The following HYAL4 variants were observed in gnomAD, a reference collection of about 807,000 sequenced individuals.
HYAL4 encodes hyaluronidase-4.
HYAL4 carries 37 observed loss-of-function variants against 35.2 expected under a neutral mutation model. The ratio of observed to expected loss-of-function variants is 1.05; its 90% confidence interval spans 0.81 to 1.38. The LOEUF is 1.38. Ranked by LOEUF, HYAL4 falls within the 40% of genes most tolerant of loss-of-function variation. HYAL4 has a pLI of 0.00. For missense variants in HYAL4, 572 were observed against 572.4 expected (o/e 1.00, Z 0.01); for synonymous variants, 198 against 203.2 (o/e 0.97, Z 0.22).
chr7:123,806,898 T>G, the HYAL4 span, among the ~76,000 whole-genome samples: 1 of 152,158 alleles, frequency 6.6e-6, no homozygotes, highest in Non-Finnish European at 1.5e-5. Context: ...CTTCACTCAG[T>G]CAGGTACTCC....
chr7:123,798,441 CTAAA>C, the HYAL4 span, among the ~76,000 whole-genome samples: 1 of 152,068 alleles, frequency 6.6e-6, no homozygotes, highest in African/African-American at 2.4e-5. Flanking sequence ...TAATTTAGCC[CTAAA>C]TAAAGACTTA....
At chr7:123,830,625 CA>C (rs1389725185) in intron 1 of HYAL4, among the ~76,000 whole-genome samples, 1 of 152,136 alleles carries the variant, frequency 6.6e-6, no homozygotes, top group Non-Finnish European at 1.5e-5. Flanking sequence ...ATACAACCCA[CA>C]ATTTTCTGAA....
chr7:123,852,466 G>C (rs1485127260), intron 2 of HYAL4, among the ~76,000 whole-genome samples: 1 of 152,164 alleles, frequency 6.6e-6, no homozygotes, highest in Non-Finnish European at 1.5e-5. Context: ...TGGCTAGCCA[G>C]TTTTCCCAGC....
At chr7:123,791,330 A>G in the HYAL4 span, among the ~76,000 whole-genome samples, 1 of 152,216 alleles carries the variant, frequency 6.6e-6, no homozygotes, top group Non-Finnish European at 1.5e-5. Flanking sequence ...AAAGAGAATG[A>G]TAATAGAACT....
the HYAL4 span, among the ~76,000 whole-genome samples, chr7:123,764,320 TG>T: frequency 5.3e-5 from 8 of 152,222 alleles, no homozygotes; most frequent in African/African-American, 1.4e-4. Context: ...AAGCCTTCTC[TG>T]AATTTCCCGG....
the HYAL4 span, among the ~76,000 whole-genome samples, chr7:123,808,263 A>C: frequency 6.6e-6 from 1 of 152,140 alleles, no homozygotes; most frequent in African/African-American, 2.4e-5. Flanking sequence ...GCTTTATCAT[A>C]ATGAACTTAG....
intron 1 of HYAL4, among the ~76,000 whole-genome samples, chr7:123,832,539 G>A (rs375070169): frequency 1.7e-5 from 2 of 117,334 alleles, no homozygotes; most frequent in African/African-American, 3.4e-5. Flanking sequence ...TCGCTCTGTC[G>A]CTCAGGCTGG....
At chr7:123,875,187 A>C (rs1806978796) in intron 4 of HYAL4, among the ~76,000 whole-genome samples, 1 of 152,232 alleles carries the variant, frequency 6.6e-6, no homozygotes, top group Non-Finnish European at 1.5e-5. Context: ...ATAACTATTT[A>C]GGATAGTTAG....
At chr7:123,852,507 CT>C (rs1420402613) in intron 2 of HYAL4, among the ~76,000 whole-genome samples, 1 of 151,980 alleles carries the variant, frequency 6.6e-6, no homozygotes, top group East Asian at 1.9e-4. Context: ...TCCTTTTCCC[CT>C]TGCTTGTTTT....
intron 2 of HYAL4, among the ~76,000 whole-genome samples, chr7:123,866,871 A>T (rs1378964836): frequency 6.7e-6 from 1 of 150,334 alleles, no homozygotes; most frequent in Non-Finnish European, 1.5e-5. Context: ...GTTCACTGCA[A>T]CCGCCACCTC....
intron 2 of HYAL4, among the ~76,000 whole-genome samples, chr7:123,853,490 TGG>T (rs1238649504): frequency 2.0e-5 from 3 of 152,360 alleles, no homozygotes; most frequent in Admixed American, 2.0e-4. Context: ...GATAATCATG[TGG>T]TTTTTGTCAT....
chr7:123,852,372 G>T (rs1207280897), intron 2 of HYAL4, among the ~76,000 whole-genome samples: 2 of 152,096 alleles, frequency 1.3e-5, no homozygotes, highest in Non-Finnish European at 2.9e-5. Flanking sequence ...ATGGTTTTAG[G>T]TCTTAGGTTT....
the HYAL4 span, among the ~76,000 whole-genome samples, chr7:123,774,231 G>A: frequency 1.3e-5 from 2 of 152,042 alleles, no homozygotes; most frequent in East Asian, 3.9e-4. Flanking sequence ...GAGACATGGG[G>A]TTTTGCTATG....
At chr7:123,874,514 C>T (rs181645523) in intron 3 of HYAL4, among the ~76,000 whole-genome samples, 2 of 152,246 alleles carry the variant, frequency 1.3e-5, no homozygotes, top group African/African-American at 4.8e-5. Context: ...AATGATTCTC[C>T]TGTCTCAGCC....
intron 2 of HYAL4, among the ~76,000 whole-genome samples, chr7:123,862,189 A>G (rs552668950): frequency 2.0e-5 from 3 of 152,166 alleles, no homozygotes; most frequent in Non-Finnish European, 4.4e-5. Context: ...TCTCAGTCTG[A>G]TAAATATATA....
chr7:123,863,849 A>G (rs1474355516), intron 2 of HYAL4, among the ~76,000 whole-genome samples: 1 of 152,090 alleles, frequency 6.6e-6, no homozygotes, highest in Non-Finnish European at 1.5e-5. Flanking sequence ...CTTTTAATTT[A>G]TCACAAGCAA....
At chr7:123,800,679 C>T in the HYAL4 span, among the ~76,000 whole-genome samples, 41 of 149,498 alleles carry the variant, frequency 2.7e-4, no homozygotes, top group East Asian at 4.1e-3. Context: ...TGTTTTTAGA[C>T]GCAGTCTAGC....
At chr7:123,814,783 T>A in the HYAL4 span, 1 of 142,888 alleles carries the variant, frequency 7.0e-6, no homozygotes, top group African/African-American at 2.6e-5. Flanking sequence ...ACAATTATGA[T>A]TACAGAATAA....
chr7:123,802,649 G>A, the HYAL4 span, among the ~76,000 whole-genome samples: 1 of 151,396 alleles, frequency 6.6e-6, no homozygotes, highest in Non-Finnish European at 1.5e-5. Flanking sequence ...CTGGGCATAC[G>A]TTACTCTTCA....
Sources: gnomAD v4.1 joint callset for allele counts (sites outside exome capture counted in the v4.1 genomes callset) on GRCh38, gnomAD v4.1.1 for gene constraint, MANE v1.5 for transcripts, NCBI Gene and HGNC (gene_info 2026-07-23, HGNC 2026-07-21) for gene names.